Variants in ALDOB observed in about 807,000 individuals in gnomAD.
ALDOB encodes the protein fructose-bisphosphate aldolase B.
Under a neutral mutation model 41.0 loss-of-function variants are expected in ALDOB, and 39 were observed. The observed-to-expected ratio is 0.95, with a 90% CI of 0.74 to 1.24. The LOEUF is 1.24. Ranked by LOEUF, ALDOB falls within the 50% of genes most tolerant of loss-of-function variation. ALDOB has a pLI of 0.00. For missense variants in ALDOB, 530 were observed against 457.3 expected (o/e 1.16, Z -1.45); for synonymous variants, 175 against 168.8 (o/e 1.04, Z -0.28).
At position 101,421,520 on chromosome 9, in the gene ALDOB, G is replaced by C. The variant is rs886063290; in HGVS notation, c.*289C>G. The C allele has an allele frequency of 1.8e-5, 8 of 453,672 alleles. No individual in the cohort carries two copies. The highest frequency in any genetic ancestry group is 1.2e-4 in the South Asian group (6 of 48,454). 28.1% of individuals were successfully genotyped at this position (453,672 alleles called of 1,614,324 possible). A position where few individuals can be genotyped will look rare whatever the true frequency, so the allele number is the denominator to read the frequency against. ...TCAGCAGTTGTTCTTTGGATGAGGAGCCGATATTGTTTTAAAGCCTATTAT... is the reference window on the plus strand; with the variant it reads ...TCAGCAGTTGTTCTTTGGATGAGGACCCGATATTGTTTTAAAGCCTATTAT... On this transcript the variant is annotated 3_prime_UTR_variant, in exon 9 of 9. Coordinates refer to ENST00000647789, the MANE Select transcript of ALDOB (RefSeq NM_000035.4).
intron 8 of ALDOB, among the ~76,000 whole-genome samples, chr9:101,422,406 T>C (rs940882845): frequency 6.6e-6 from 1 of 152,250 alleles, no homozygotes; most frequent in Non-Finnish European, 1.5e-5. Flanking sequence ...GTGGTACCAC[T>C]TCTTCCAGTC....
In ALDOB at chr9:101,435,696, C is replaced by G. The variant is rs1458603250; in HGVS notation, c.-11+13G>C. 6.6e-6 allele frequency: 1 copy of G among 152,128 alleles called. No homozygotes were observed. Among genetic ancestry groups the G allele is most frequent in the Non-Finnish European group, 1.5e-5 (1 of 68,028 alleles). The allele number at this position is 152,128 out of a possible 1,614,324, so 9.4% of individuals were successfully genotyped here. ...GTGCTGTCCAGGTATACAAAGGAAG[C>G]TTTTTTACTTACAGTTTGGGAGAGA... On this transcript the variant is annotated intron_variant, in intron 1 of 8. Transcript: ENST00000647789.
At chr9:101,434,067 C>T (rs553341129) in intron 1 of ALDOB, among the ~76,000 whole-genome samples, 50 of 152,250 alleles carry the variant, frequency 3.3e-4, no homozygotes, top group African/African-American at 9.6e-4. Context: ...CCACTGCACC[C>T]GGCCACATTT....
chr9:101,430,342 G>C (rs1831199232), intron 2 of ALDOB, among the ~76,000 whole-genome samples: 1 of 152,164 alleles, frequency 6.6e-6, no homozygotes, highest in African/African-American at 2.4e-5. Flanking sequence ...GGCAGGCTGT[G>C]CAACTCTGCC....
rs530840909 is a variant in ALDOB, at chr9:101,425,862, A to G, written c.625-235T>C. ...CCTAATCTAGCTTCTCATTCACTGC[A>G]TGAATGACAGGCATGGCTCTGCTTC... On this transcript the variant is annotated intron_variant, in intron 6 of 8. Coordinates refer to ENST00000647789, the MANE Select transcript of ALDOB (RefSeq NM_000035.4). Among the ~76,000 whole-genome samples the G allele has an allele frequency of 3.3e-5, 5 of 152,316 alleles. No homozygotes were observed. In the East Asian group the frequency reaches 5.8e-4, roughly 18 times the overall value.
chr9:101,427,922 C>T (rs79349639), intron 4 of ALDOB, among the ~76,000 whole-genome samples: 12,043 of 152,254 alleles, frequency 0.079, 537 homozygotes, highest in Middle Eastern at 0.16. Flanking sequence ...ACTGAAGCTC[C>T]TAATGGTTAA....
rs1800546 is a variant in ALDOB, at chr9:101,427,574, C to T, written c.448G>A (p.Ala150Thr). 6.2e-7 allele frequency: 1 copy of T among 1,614,174 alleles called. No homozygotes were observed. The highest frequency in any genetic ancestry group is 1.1e-5 in the South Asian group (1 of 91,090). The part of the protein sequence containing the change: ...KDGVDFGKWR[A>T]VLRIADQCPS... ...CACTGGTCGGCAATCCTCAGCACAGCACGCCACTTCCCAAAGTCAACACCA... is the reference window on the plus strand; with the variant it reads ...CACTGGTCGGCAATCCTCAGCACAGTACGCCACTTCCCAAAGTCAACACCA... Residue 150 changes from alanine (A) to threonine (T), a missense_variant, in exon 5 of 9, where the codon GCT (alanine) becomes ACT (threonine). Transcript: ENST00000647789.
rs1249398093 is a variant in ALDOB, at chr9:101,424,955, C to G, written c.887G>C (p.Trp296Ser). The G allele has an allele frequency of 1.2e-6, 2 of 1,614,088 alleles. No individual in the cohort carries two copies. Among genetic ancestry groups the G allele is most frequent in the Non-Finnish European group, 1.7e-6 (2 of 1,180,044 alleles). Residue 296 changes from tryptophan (W) to serine (S), a missense_variant, in exon 8 of 9, where the codon TGG (tryptophan) becomes TCG (serine). Coordinates refer to ENST00000647789, the MANE Select transcript of ALDOB (RefSeq NM_000035.4). ...AINLCPLPKP[W>S]KLSFSYGRAL... ...CCGTCCATAAGAGAAACTTAGTTTC[C>G]AGGGCTTTGGTAGAGGGCAAAGGTT... is the stretch of plus-strand genomic sequence containing the variant.
At position 101,427,463 on chromosome 9, in the gene ALDOB, C is replaced by T; in HGVS notation, c.540+19G>A. On this transcript the variant is annotated intron_variant, in intron 5 of 8. Transcript: ENST00000647789. ...AACTCTAGCCTACTCTTTTTCAGCC[C>T]AAGGGGAAGGCAGAGCACCTGCTGA... The T allele has an allele frequency of 1.9e-6, 3 of 1,614,016 alleles. No homozygotes were observed. Among genetic ancestry groups the T allele is most frequent in the Admixed American group, 1.7e-5 (1 of 60,022 alleles).
At position 101,421,045 on chromosome 9, in the gene ALDOB, G is replaced by C. The variant is rs1831039102; in HGVS notation, c.*764C>G. ...CAAAATCATTCTACATTTTTAGCTG[G>C]CTTCGTATTGTGAATGGCTTTAATT... On this transcript the variant is annotated 3_prime_UTR_variant, in exon 9 of 9. Transcript: ENST00000647789. 6.6e-6 allele frequency: 1 copy of C among 152,164 alleles called. No individual in the cohort carries two copies. The highest frequency in any genetic ancestry group is 1.5e-5 in the Non-Finnish European group (1 of 68,098). 9.4% of individuals were successfully genotyped at this position (152,164 alleles called of 1,614,324 possible).
chr9:101,434,072 A>T (rs1272176559), intron 1 of ALDOB, among the ~76,000 whole-genome samples: 1 of 152,174 alleles, frequency 6.6e-6, no homozygotes, highest in Non-Finnish European at 1.5e-5. Context: ...GCACCCGGCC[A>T]CATTTCATTT....
intron 4 of ALDOB, 88 bp downstream of exon 4, chr9:101,428,381 G>A: frequency 8.4e-7 from 1 of 1,196,218 alleles, no homozygotes; most frequent in Non-Finnish European, 1.3e-6. Flanking sequence ...TGTAATAGTT[G>A]TGTTTTGTTT....
chr9:101,432,468 G>A (rs1831232742), intron 1 of ALDOB, among the ~76,000 whole-genome samples: 2 of 152,160 alleles, frequency 1.3e-5, no homozygotes, highest in Admixed American at 6.5e-5. Context: ...GATCTTCAGA[G>A]CAAGGTGCAA....
chr9:101,424,032 G>C (rs907474359), intron 8 of ALDOB, among the ~76,000 whole-genome samples: 2 of 152,068 alleles, frequency 1.3e-5, no homozygotes, highest in Non-Finnish European at 2.9e-5. Context: ...TTTCAGTGAG[G>C]GTCACTGGTA....
Position 101,429,797 on chromosome 9 carries a change from G to A in ALDOB, c.282C>T (p.Phe94=), listed in dbSNP as rs549682194. 22 of 1,614,172 alleles carry A rather than the reference G, an allele frequency of 1.4e-5. No homozygotes were observed. The highest frequency in any genetic ancestry group is 1.6e-4 in the Middle Eastern group (1 of 6,062). The change falls in exon 3 of 9, where the codon TTC becomes TTT. Residue 94 remains phenylalanine (F), a synonymous_variant. Transcript: ENST00000647789. The part of the protein sequence containing the change: ...LYQKDSQGKL[F]RNILKEKGIV... ...TCCCCTTTTCCTTGAGGATGTTTCT[G>A]AACAGCTTTCCCTGGCTGTCCTTCT...
At chr9:101,431,821 C>G (rs1160305467) in intron 1 of ALDOB, among the ~76,000 whole-genome samples, 1 of 152,140 alleles carries the variant, frequency 6.6e-6, no homozygotes, top group Admixed American at 6.5e-5. Context: ...GCTTCCTATC[C>G]AATGCCAGGG....
chr9:101,426,767 A>G, intron 5 of ALDOB, 129 bp from the exon 6 acceptor site: 2 of 681,918 alleles, frequency 2.9e-6, no homozygotes, highest in Admixed American at 2.4e-5. Flanking sequence ...TAGATGACTT[A>G]AAGACAGTAG....
At chr9:101,423,998 T>A (rs1170268298) in intron 8 of ALDOB, among the ~76,000 whole-genome samples, 1 of 152,218 alleles carries the variant, frequency 6.6e-6, no homozygotes, top group African/African-American at 2.4e-5. Context: ...GTGGGCACCT[T>A]TCCTTTCCTC....
chr9:101,432,019 C>A (rs2118369190), intron 1 of ALDOB, among the ~76,000 whole-genome samples: 1 of 152,316 alleles, frequency 6.6e-6, no homozygotes, highest in Non-Finnish European at 1.5e-5. Flanking sequence ...GAGAAGCTAA[C>A]TGACTTGTTC....
Sources: allele counts gnomAD v4.1 joint callset (sites outside exome capture counted in the v4.1 genomes callset), GRCh38; gene constraint gnomAD v4.1.1; transcripts MANE v1.5; gene names NCBI Gene and HGNC (gene_info 2026-07-23, HGNC 2026-07-21).